LCK: variants seen among roughly 807,000 people sequenced by gnomAD.
The protein encoded by LCK is LCK proto-oncogene, Src family tyrosine kinase.
In LCK, 14 loss-of-function variants were observed where a neutral mutation model predicts 64.6. The observed-to-expected ratio is 0.22, with a 90% confidence interval of 0.14 to 0.34. The LOEUF is 0.34. Ranked by LOEUF, LCK falls within the 10% of genes least tolerant of loss-of-function variation. The pLI, the probability that LCK is intolerant of heterozygous loss-of-function variation, is 1.00. For synonymous variants in LCK, 277 were observed against 263.6 expected (o/e 1.05, Z -0.49); for missense variants, 434 against 668.1 (o/e 0.65, Z 3.86).
At position 32,276,300 on chromosome 1, in the gene LCK, C is replaced by T. The variant is rs1468538082; in HGVS notation, c.632-37C>T. On this transcript the variant is annotated intron_variant, in intron 7 of 12. Transcript: ENST00000336890. This position sits in a 1 kb window ranked among gnomAD's most constrained non-coding sequence, Gnocchi z 4.6. Reference sequence around the variant, plus strand: ...GAGGTGGTGTCAATACGAGGCCTGCCCTATTGACAGCCTTCACCCCTCCCT... The same window carrying T: ...GAGGTGGTGTCAATACGAGGCCTGCTCTATTGACAGCCTTCACCCCTCCCT... 1 of 1,532,178 alleles carries T rather than the reference C, an allele frequency of 6.5e-7. No homozygotes were observed. The highest frequency in any genetic ancestry group is 8.7e-7 in the Non-Finnish European group (1 of 1,143,068). 94.9% of individuals were successfully genotyped at this position (1,532,178 alleles called of 1,614,324 possible).
rs1231351915 is a variant in LCK at position 32,275,998 on chromosome 1, G to A, written c.566G>A (p.Gly189Asp). 1 of 1,614,166 alleles carries A rather than the reference G, an allele frequency of 6.2e-7. No homozygotes were observed. The highest frequency in any genetic ancestry group is 1.7e-5 in the Admixed American group (1 of 60,020). The change falls in exon 7 of 13, where the codon GGT becomes GAT. Residue 189 changes from glycine to aspartate, a missense_variant. Physicochemically the swap from Gly to Asp is moderately conservative, Grantham distance 94 (BLOSUM62 -1). Transcript: ENST00000336890. The surrounding 1 kb of genome is among the most constrained non-coding windows in gnomAD (Gnocchi z 6.9). The stretch of plus-strand genomic sequence containing the variant: ...TACAAGATCCGTAATCTGGACAACG[G>A]TGGCTTCTACATCTCCCCTCGAATC... ...KHYKIRNLDN[G>D]GFYISPRITF...
At chr1:32,268,461 C>T (rs942825286) in intron 1 of LCK, among the ~76,000 whole-genome samples, 2 of 151,368 alleles carry the variant, frequency 1.3e-5, no homozygotes, top group Non-Finnish European at 2.9e-5. Context: ...TATAGGCATG[C>T]ACCACCATGC....
chr1:32,266,602 TCC>T (rs1557576860), intron 1 of LCK, among the ~76,000 whole-genome samples: 2 of 138,612 alleles, frequency 1.4e-5, no homozygotes, highest in African/African-American at 5.8e-5. Context: ...CTCCTCCTCC[TCC>T]GCCACCACCA....
intron 1 of LCK, among the ~76,000 whole-genome samples, chr1:32,262,254 A>T (rs1248722456): frequency 7.2e-6 from 1 of 138,980 alleles, no homozygotes; most frequent in Non-Finnish European, 1.5e-5. Flanking sequence ...TAATCCCAGC[A>T]CTTTGGGAAG....
intron 12 of LCK, among the ~76,000 whole-genome samples, chr1:32,284,830 A>G (rs942221704): frequency 1.3e-5 from 2 of 152,164 alleles, no homozygotes; most frequent in Admixed American, 6.6e-5. Context: ...TTTAATTTAC[A>G]CCAGGGAAGC....
Position 32,275,179 on chromosome 1 carries a change from G to A in LCK, c.278+96G>A. On this transcript the variant is annotated intron_variant, in intron 4 of 12. Transcript: ENST00000336890. The surrounding 1 kb of genome is among the most constrained non-coding windows in gnomAD (Gnocchi z 6.9). ...CTGCGGCCCTTGACCAGCTCGGGGT[G>A]GCCGCCCTTGGGACAAAATTCGAGG... 1 of 1,463,650 alleles carries A rather than the reference G, an allele frequency of 6.8e-7. No individual in the cohort carries two copies. Among genetic ancestry groups the A allele is most frequent in the Non-Finnish European group, 9.5e-7 (1 of 1,054,964 alleles). 90.7% of individuals were successfully genotyped at this position (1,463,650 alleles called of 1,614,324 possible). A position where few individuals can be genotyped will look rare whatever the true frequency, so the allele number is the denominator to read the frequency against.
chr1:32,280,419 T>TTCTTTTTC (rs1640416955), intron 12 of LCK, among the ~76,000 whole-genome samples: 1 of 151,354 alleles, frequency 6.6e-6, no homozygotes, highest in Non-Finnish European at 1.5e-5. Flanking sequence ...CCCAGCTCTT[T>TTCTTTTTC]TCTTTTTCTC....
At chr1:32,279,622 G>T (rs1474105951) in intron 9 of LCK, 49 bp from the exon 10 acceptor site, 1 of 1,613,730 alleles carries the variant, frequency 6.2e-7, no homozygotes. Flanking sequence ...AGGTCTGGGG[G>T]CCTCCCCCTG....
rs761030394 is a variant in LCK at position 32,276,536 on chromosome 1, G to A, written c.784+47G>A. The A allele has an allele frequency of 6.9e-6, 11 of 1,586,556 alleles. No individual in the cohort carries two copies. The South Asian group carries it at 9.2e-5, about 13-fold the overall frequency. ...GCCTGGGAAGAGGGGAACGGGAGGG[G>A]CCGCTGAGGTGATGAGAGTCCCAGG... is the stretch of plus-strand genomic sequence containing the variant. On this transcript the variant is annotated intron_variant, in intron 8 of 12. Coordinates refer to ENST00000336890, the MANE Select transcript of LCK (RefSeq NM_005356.5). The surrounding 1 kb of genome is among the most constrained non-coding windows in gnomAD (Gnocchi z 4.6).
intron 12 of LCK, among the ~76,000 whole-genome samples, chr1:32,284,728 A>G (rs141608635): frequency 2.0e-5 from 3 of 152,294 alleles, no homozygotes; most frequent in Admixed American, 6.5e-5. Context: ...TAACAATTCT[A>G]TGAGGTAGGA....
intron 1 of LCK, among the ~76,000 whole-genome samples, chr1:32,254,498 G>A (rs892871511): frequency 6.6e-6 from 1 of 151,936 alleles, no homozygotes; most frequent in Non-Finnish European, 1.5e-5. Flanking sequence ...GTTTTGTGGG[G>A]TTTTTTTGGT....
chr1:32,274,980 C>T lies in LCK; in HGVS notation c.188-13C>T. 6.2e-7 allele frequency: 1 copy of T among 1,614,204 alleles called. No homozygotes were observed. The highest frequency in any genetic ancestry group is 1.3e-5 in the African/African-American group (1 of 75,066). ...CCCAGCTCGGTTCTCCCTGATGCCC[C>T]TTGTCTTTACAGACAACCTGGTTAT... is the stretch of plus-strand genomic sequence containing the variant. On this transcript the variant is annotated splice_polypyrimidine_tract_variant and intron_variant, in intron 3 of 12. Coordinates refer to ENST00000336890, the MANE Select transcript of LCK (RefSeq NM_005356.5).
chr1:32,257,624 C>T (rs907799207), intron 1 of LCK, among the ~76,000 whole-genome samples: 17 of 152,088 alleles, frequency 1.1e-4, no homozygotes, highest in Non-Finnish European at 1.9e-4. Context: ...ACATGGTGAA[C>T]TGAGCTTCCA....
At position 32,280,175 on chromosome 1, in the gene LCK, C is replaced by T. The variant is rs1801124; in HGVS notation, c.1292C>T (p.Thr431Met). Residue 431 changes from threonine (T) to methionine (M), a missense_variant, in exon 12 of 13, where the codon ACG becomes ATG. This residue lies in a region of LCK where 201 missense variants were observed against 376.9 expected (regional missense o/e 0.53). Transcript: ENST00000336890. ...GTGTGGTCTTTTGGGATCCTGCTGACGGAAATTGTCACCCACGGCCGCATC... is the reference window on the plus strand; with the variant it reads ...GTGTGGTCTTTTGGGATCCTGCTGATGGAAATTGTCACCCACGGCCGCATC... The part of the protein sequence containing the change: ...SDVWSFGILL[T>M]EIVTHGRIPY... 1.1e-4 allele frequency: 173 copies of T among 1,614,092 alleles called. 1 individual carries two copies. Among genetic ancestry groups the T allele is most frequent in the South Asian group, 8.5e-4 (77 of 91,082 alleles).
At position 32,281,636 on chromosome 1, in the gene LCK, C is replaced by G. The variant is rs139689826; in HGVS notation, c.1327+1426C>G. Among the ~76,000 whole-genome samples, 666 of 152,082 alleles carry G rather than the reference C, an allele frequency of 4.4e-3. 6 individuals carry two copies. Among genetic ancestry groups the G allele is most frequent in the South Asian group, 0.018 (85 of 4,826 alleles). On this transcript the variant is annotated intron_variant, in intron 12 of 12. Coordinates refer to ENST00000336890, the MANE Select transcript of LCK (RefSeq NM_005356.5). ...GGATGGAATTTTTGAAAGGAACTTG[C>G]TAAGAAACTCTGGGGAAAGGAAATG...
rs1640398285 is a variant in LCK at position 32,279,886 on chromosome 1, C to T, written c.1087C>T (p.Arg363Cys). Residue 363 changes from arginine (R) to cysteine (C), a missense_variant, in exon 11 of 13, where the codon CGT becomes TGT. Arg to Cys is a radical substitution (Grantham distance 180). Around this residue, in one of 2 missense-constraint regions of LCK, gnomAD observed 201 missense variants for 376.9 expected, o/e 0.53. Transcript: ENST00000336890. ...CATTGAAGAGCGGAATTATATTCAT[C>T]GTGACCTTCGGGCTGCCAACATTCT... is the stretch of plus-strand genomic sequence containing the variant. ...AFIEERNYIH[R>C]DLRAANILVS... The T allele has an allele frequency of 1.2e-6, 2 of 1,614,190 alleles. No individual in the cohort carries two copies. Among genetic ancestry groups the T allele is most frequent in the Non-Finnish European group, 1.7e-6 (2 of 1,180,044 alleles).
rs1639519978 is a variant in LCK, at chr1:32,251,968, T to A, written c.-6+597T>A. On this transcript the variant is annotated intron_variant, in intron 1 of 12. Transcript: ENST00000336890. This position sits in a 1 kb window ranked among gnomAD's most constrained non-coding sequence, Gnocchi z 4.0. The stretch of plus-strand genomic sequence containing the variant: ...ATCACCCAAGGCATCCAGATGGACA[T>A]GCGAGGAGTGATTTTAGCCTCAGCG... 1.3e-5 allele frequency among the ~76,000 whole-genome samples: 2 copies of A among 150,546 alleles called. No individual in the cohort carries two copies. Among genetic ancestry groups the A allele is most frequent in the Non-Finnish European group, 3.0e-5 (2 of 67,710 alleles).
chr1:32,283,413 T>G (rs561862081), intron 12 of LCK, among the ~76,000 whole-genome samples: 72 of 152,254 alleles, frequency 4.7e-4, no homozygotes, highest in Admixed American at 2.6e-3. Flanking sequence ...GAGCAAAACT[T>G]TGATTTTGTA....
At chr1:32,263,385 T>C (rs1202063832) in intron 1 of LCK, among the ~76,000 whole-genome samples, 1 of 149,040 alleles carries the variant, frequency 6.7e-6, no homozygotes, top group Non-Finnish European at 1.5e-5. Flanking sequence ...AGAGGAAGAC[T>C]CCGTCTCAAA....
Sources: allele counts gnomAD v4.1 joint callset (sites outside exome capture counted in the v4.1 genomes callset), GRCh38; gene constraint gnomAD v4.1.1; regional missense constraint gnomAD v4.1.1; non-coding constraint Gnocchi (gnomAD v3.1); transcripts MANE v1.5; gene names NCBI Gene and HGNC (gene_info 2026-07-23, HGNC 2026-07-21).